NTRK3: variants seen among roughly 807,000 people sequenced by gnomAD.
The protein encoded by NTRK3 is neurotrophic receptor tyrosine kinase 3, also known as NT-3 growth factor receptor.
A neutral mutation model predicts 91.7 loss-of-function variants in NTRK3; 24 were observed. The ratio of observed to expected loss-of-function variants is 0.26; its 90% CI spans 0.19 to 0.37. The LOEUF is 0.37. Ranked by LOEUF, NTRK3 falls within the 10% of genes least tolerant of loss-of-function variation. The pLI is 1.00. For missense variants in NTRK3, 880 were observed against 1,068.9 expected (o/e 0.82, Z 2.46); for synonymous variants, 483 against 404.0 (o/e 1.20, Z -2.34).
At chr15:87,961,719 A>T (rs530911603) in intron 14 of NTRK3, among the ~76,000 whole-genome samples, 55 of 152,374 alleles carry the variant, frequency 3.6e-4, no homozygotes, top group Non-Finnish European at 6.3e-4. Flanking sequence ...GCATGCCCAG[A>T]TGGGCTAAGC....
chr15:88,137,697 AGTGG>A, intron 6 of NTRK3, 136 bp from the exon 7 acceptor site: 1 of 872,494 alleles, frequency 1.1e-6, no homozygotes, highest in Admixed American at 2.5e-5. Flanking sequence ...TTACAAAAGA[AGTGG>A]AAAAATCCTT....
chr15:88,240,581 T>C lies in NTRK3; in HGVS notation c.248+15325A>G, dbSNP rs114811450. On this transcript the variant is annotated intron_variant, in intron 3 of 18. Transcript: ENST00000394480. This position sits in a 1 kb window ranked among gnomAD's most constrained non-coding sequence, Gnocchi z 4.9. Reference sequence around the variant, plus strand: ...CTGGCAGGAAATGGAAAGGGGTCTGTAATACAGGGCTGCCCCCCTGGCTCT... The same window carrying C: ...CTGGCAGGAAATGGAAAGGGGTCTGCAATACAGGGCTGCCCCCCTGGCTCT... Among the ~76,000 whole-genome samples the C allele has an allele frequency of 9.5e-3, 1,445 of 152,260 alleles. 20 individuals are homozygous for C. The highest frequency in any genetic ancestry group is 0.031 in the African/African-American group (1,275 of 41,542).
chr15:87,961,873 A>G (rs977127143), intron 14 of NTRK3, among the ~76,000 whole-genome samples: 1 of 152,244 alleles, frequency 6.6e-6, no homozygotes, highest in Non-Finnish European at 1.5e-5. Context: ...CTTCTTTCTG[A>G]TGCTGTATTT....
intron 10 of NTRK3, among the ~76,000 whole-genome samples, chr15:88,131,310 T>C (rs936181309): frequency 2.6e-5 from 4 of 152,250 alleles, no homozygotes; most frequent in Admixed American, 2.6e-4. Flanking sequence ...GTCTTAGCTC[T>C]ATTAAGTATG....
intron 16 of NTRK3, among the ~76,000 whole-genome samples, chr15:87,932,452 T>C (rs1331918072): frequency 6.6e-6 from 1 of 152,192 alleles, no homozygotes; most frequent in African/African-American, 2.4e-5. Context: ...TAAGTGGCCA[T>C]AGGTGGACAC....
intron 5 of NTRK3, among the ~76,000 whole-genome samples, chr15:88,182,217 G>A (rs1476210832): frequency 6.6e-6 from 1 of 152,136 alleles, no homozygotes; most frequent in East Asian, 1.9e-4. Flanking sequence ...AAGCAGAGGT[G>A]GCCATACTGA....
intron 13 of NTRK3, among the ~76,000 whole-genome samples, chr15:88,042,530 C>T (rs551200237): frequency 1.3e-5 from 2 of 152,344 alleles, no homozygotes; most frequent in East Asian, 3.9e-4. Flanking sequence ...CGCTCCTCTC[C>T]CTGAATCATT....
intron 10 of NTRK3, 121 bp from the exon 11 acceptor site, chr15:88,128,855 T>C (rs1225114761): frequency 3.5e-5 from 31 of 895,502 alleles, no homozygotes; most frequent in Non-Finnish European, 5.8e-5. Flanking sequence ...TCATGGCAAC[T>C]GACAAACTAA....
intron 17 of NTRK3, among the ~76,000 whole-genome samples, chr15:87,881,715 G>A (rs960501283): frequency 4.6e-5 from 7 of 151,600 alleles, no homozygotes; most frequent in South Asian, 2.1e-4. Context: ...CACCGCGCCC[G>A]GCCTAAAGTT....
chr15:88,028,881 G>A (rs887701230), intron 14 of NTRK3, among the ~76,000 whole-genome samples: 3 of 152,184 alleles, frequency 2.0e-5, no homozygotes, highest in African/African-American at 7.2e-5. Flanking sequence ...AGGCCAATGT[G>A]TGACTCCTGA....
intron 14 of NTRK3, among the ~76,000 whole-genome samples, chr15:87,986,812 C>T (rs2074842275): frequency 2.6e-5 from 4 of 152,208 alleles, no homozygotes; most frequent in Admixed American, 2.6e-4. Context: ...CTATAAAGGA[C>T]CAGATAGAAA....
In NTRK3 at chr15:87,885,382, G is replaced by A. The variant is rs542435217; in HGVS notation, c.2134-4954C>T. On this transcript the variant is annotated intron_variant, in intron 17 of 18. Coordinates refer to ENST00000394480, the Ensembl canonical transcript of NTRK3. ...TATATATGAAAACCCAAATGAAATGGTGTATGGAAATTGACAAGATGAACC... is the reference window on the plus strand; with the variant it reads ...TATATATGAAAACCCAAATGAAATGATGTATGGAAATTGACAAGATGAACC... 1.3e-4 allele frequency among the ~76,000 whole-genome samples: 19 copies of A among 151,952 alleles called. No homozygotes were observed. In the South Asian group the frequency reaches 3.3e-3, roughly 27 times the overall value.
At chr15:88,111,171 A>G (rs1326113992) in intron 13 of NTRK3, among the ~76,000 whole-genome samples, 1 of 152,168 alleles carries the variant, frequency 6.6e-6, no homozygotes. Context: ...TGAGGCATCT[A>G]TCCAGGCTGC....
At chr15:88,123,465 T>C (rs969634961) in intron 13 of NTRK3, among the ~76,000 whole-genome samples, 3 of 152,174 alleles carry the variant, frequency 2.0e-5, no homozygotes, top group African/African-American at 7.2e-5. Flanking sequence ...CAATAAAAGA[T>C]CAAAGGTTAA....
exon 19 of NTRK3, chr15:87,871,539 G>C (rs1181504241): frequency 1.7e-5 from 4 of 230,512 alleles, no homozygotes; most frequent in African/African-American, 6.6e-5. Flanking sequence ...AATGACTCCT[G>C]TGTGGTCATC....
Position 88,107,799 on chromosome 15 carries a change from T to C in NTRK3, c.1396+18472A>G, listed in dbSNP as rs1002919137. 2.6e-5 allele frequency among the ~76,000 whole-genome samples: 4 copies of C among 151,922 alleles called. No homozygotes were observed. The South Asian group carries it at 6.2e-4, about 24-fold the overall frequency. On this transcript the variant is annotated intron_variant, in intron 13 of 18. Transcript: ENST00000394480. Reference sequence around the variant, plus strand: ...CGATCTCAGACCTGAACCCACCAAATAGAATGTACTATCATCACTAAGTCC... The same window carrying C: ...CGATCTCAGACCTGAACCCACCAAACAGAATGTACTATCATCACTAAGTCC...
intron 13 of NTRK3, among the ~76,000 whole-genome samples, chr15:88,113,397 C>G (rs1044355849): frequency 1.4e-5 from 2 of 145,576 alleles, no homozygotes; most frequent in African/African-American, 5.2e-5. Flanking sequence ...CTCACTGCAA[C>G]CTCTGCCTCC....
At position 88,211,867 on chromosome 15, in the gene NTRK3, C is replaced by G. The variant is rs565953618; in HGVS notation, c.249-27568G>C. Among the ~76,000 whole-genome samples the G allele has an allele frequency of 5.3e-5, 8 of 152,318 alleles. No homozygotes were observed. The South Asian group carries it at 1.7e-3, about 32-fold the overall frequency. On this transcript the variant is annotated intron_variant, in intron 3 of 18. Coordinates refer to ENST00000394480, the Ensembl canonical transcript of NTRK3. The stretch of plus-strand genomic sequence containing the variant: ...CATGTTCTTATATTTCTACAAGAGA[C>G]AGAAATGTTCTTCAAATGAGTGGTT...
chr15:88,142,681 A>T (rs2042503787), intron 6 of NTRK3, among the ~76,000 whole-genome samples: 1 of 152,242 alleles, frequency 6.6e-6, no homozygotes, highest in Non-Finnish European at 1.5e-5. Flanking sequence ...AGATAACAAC[A>T]GTCAGATGGT....
Sources: allele counts gnomAD v4.1 joint callset (sites outside exome capture counted in the v4.1 genomes callset), GRCh38; gene constraint gnomAD v4.1.1; non-coding constraint Gnocchi (gnomAD v3.1); transcripts MANE v1.5; gene names NCBI Gene and HGNC (gene_info 2026-07-23, HGNC 2026-07-21).